HTR2B: variants seen among roughly 807,000 people sequenced by gnomAD.
HTR2B encodes the protein 5-HT 2B receptor.
HTR2B carries 31 observed loss-of-function variants against 39.8 expected under a neutral mutation model. That is an observed-to-expected ratio of 0.78 (90% CI 0.58 to 1.05). HTR2B has a LOEUF of 1.05. Ranked by LOEUF, HTR2B falls within the 50% of genes least tolerant of loss-of-function variation. The pLI is 0.00. For synonymous variants in HTR2B, 210 were observed against 207.1 expected (o/e 1.01, Z -0.12); for missense variants, 562 against 578.0 (o/e 0.97, Z 0.28).
intron 2 of HTR2B, among the ~76,000 whole-genome samples, chr2:231,116,306 G>T (rs1346160908): frequency 6.6e-6 from 1 of 152,082 alleles, no homozygotes; most frequent in African/African-American, 2.4e-5. Context: ...CTGTAAGTAG[G>T]GTGGTAGGAA....
In HTR2B at chr2:231,109,181, C is replaced by A; in HGVS notation, c.782G>T (p.Trp261Leu). Residue 261 changes from tryptophan (W) to leucine (L), a missense_variant, in exon 4 of 4, where the codon TGG becomes TTG. By Grantham distance (61) the Trp-to-Leu change is moderately conservative. Coordinates refer to ENST00000258400, the MANE Select transcript of HTR2B (RefSeq NM_000867.5). ...VKNKPPQRLT[W>L]LTVSTVFQRD... Reference sequence around the variant, plus strand: ...TTGGAAAACTGTAGACACAGTCAACCATGTTAGGCGTTGAGGTGGCTTGTT... The same window carrying A: ...TTGGAAAACTGTAGACACAGTCAACAATGTTAGGCGTTGAGGTGGCTTGTT... 1 of 1,614,160 alleles carries A rather than the reference C, an allele frequency of 6.2e-7. No homozygotes were observed. The highest frequency in any genetic ancestry group is 8.5e-7 in the Non-Finnish European group (1 of 1,180,038).
At position 231,124,108 on chromosome 2, in the gene HTR2B, A is replaced by C; in HGVS notation, c.-344T>G. On this transcript the variant is annotated 5_prime_UTR_variant, in exon 2 of 4. Coordinates refer to ENST00000258400, the MANE Select transcript of HTR2B (RefSeq NM_000867.5). The stretch of plus-strand genomic sequence containing the variant: ...GCCGTAGTTGTAGAGTCGTGTTTGA[A>C]CTTGCATGCCAGAGAGTTCCCCCTA... 3 of 262,718 alleles carry C rather than the reference A, an allele frequency of 1.1e-5. No homozygotes were observed. In the South Asian group the frequency reaches 1.4e-4, roughly 12 times the overall value. The allele number at this position is 262,718 out of a possible 1,614,324, so 16.3% of individuals were successfully genotyped here.
chr2:231,120,818 T>C (rs1198476930), intron 2 of HTR2B, among the ~76,000 whole-genome samples: 1 of 152,244 alleles, frequency 6.6e-6, no homozygotes, highest in Admixed American at 6.5e-5. Flanking sequence ...AACGCTTGTT[T>C]GTACAAACGT....
At chr2:231,118,877 C>T (rs184157188) in intron 2 of HTR2B, among the ~76,000 whole-genome samples, 22 of 152,292 alleles carry the variant, frequency 1.4e-4, no homozygotes, top group Admixed American at 3.9e-4. Flanking sequence ...GAACTTATTG[C>T]AGCAGGACAA....
At position 231,108,909 on chromosome 2, in the gene HTR2B, A is replaced by G. The variant is rs1312127034; in HGVS notation, c.1054T>C (p.Ser352Pro). ...ITNITLVLCD[S>P]CNQTTLQMLL... ...ATTTGGAGAGTAGTTTGGTTACAGGAATCACATAAAACTAAAGTTATATTT... is the reference window on the plus strand; with the variant it reads ...ATTTGGAGAGTAGTTTGGTTACAGGGATCACATAAAACTAAAGTTATATTT... Residue 352 changes from serine to proline, a missense_variant, in exon 4 of 4, where the codon TCC becomes CCC. Coordinates refer to ENST00000258400, the MANE Select transcript of HTR2B (RefSeq NM_000867.5). The G allele has an allele frequency of 6.2e-7, 1 of 1,614,046 alleles. No homozygotes were observed. Among genetic ancestry groups the G allele is most frequent in the African/African-American group, 1.3e-5 (1 of 74,930 alleles).
Position 231,109,172 on chromosome 2 carries a change from A to G in HTR2B, c.791T>C (p.Val264Ala). The G allele has an allele frequency of 6.2e-7, 1 of 1,614,202 alleles. No individual in the cohort carries two copies. The highest frequency in any genetic ancestry group is 8.5e-7 in the Non-Finnish European group (1 of 1,180,032). The part of the protein sequence containing the change: ...KPPQRLTWLT[V>A]STVFQRDETP... ...TTCATCCCTTTGGAAAACTGTAGACACAGTCAACCATGTTAGGCGTTGAGG... is the reference window on the plus strand; with the variant it reads ...TTCATCCCTTTGGAAAACTGTAGACGCAGTCAACCATGTTAGGCGTTGAGG... The change falls in exon 4 of 4, where the codon GTG becomes GCG. Residue 264 changes from valine to alanine, a missense_variant. Val to Ala is a moderately conservative substitution (Grantham distance 64). Coordinates refer to ENST00000258400, the MANE Select transcript of HTR2B (RefSeq NM_000867.5).
intron 2 of HTR2B, among the ~76,000 whole-genome samples, chr2:231,117,246 T>C (rs1559237678): frequency 1.3e-5 from 2 of 152,106 alleles, no homozygotes; most frequent in Non-Finnish European, 2.9e-5. Context: ...AATTTCTAAT[T>C]ACATTATTTG....
chr2:231,123,557 C>A lies in HTR2B; in HGVS notation c.208G>T (p.Gly70Cys), dbSNP rs1420667300. The A allele has an allele frequency of 1.2e-6, 2 of 1,614,012 alleles. No homozygotes were observed. Among genetic ancestry groups the A allele is most frequent in the Non-Finnish European group, 8.5e-7 (1 of 1,179,878 alleles). The change falls in exon 2 of 4, where the codon GGT becomes TGT. Residue 70 changes from glycine to cysteine, a missense_variant. Transcript: ENST00000258400. ...GCCAGAATAACAAGGGTATTTCCAC[C>A]AATTGTGGGTATTATCACCATGAGT... is the stretch of plus-strand genomic sequence containing the variant. ...LILMVIIPTI[G>C]GNTLVILAVS...
intron 2 of HTR2B, among the ~76,000 whole-genome samples, chr2:231,119,743 C>T (rs1386515824): frequency 4.6e-5 from 7 of 151,416 alleles, no homozygotes; most frequent in African/African-American, 1.5e-4. Context: ...TGGTGGCCTG[C>T]GCCTGTAGTC....
chr2:231,113,708 A>T (rs1437464275), intron 3 of HTR2B, 21 bp downstream of exon 3: 1 of 1,603,024 alleles, frequency 6.2e-7, no homozygotes, highest in Non-Finnish European at 8.5e-7. Flanking sequence ...TACCACCCAC[A>T]CTCTGGCATT....
At chr2:231,111,652 T>C (rs1015575978) in intron 3 of HTR2B, among the ~76,000 whole-genome samples, 1 of 152,238 alleles carries the variant, frequency 6.6e-6, no homozygotes, top group Non-Finnish European at 1.5e-5. Flanking sequence ...AAGTTATTAA[T>C]TTGTGATCGG....
At chr2:231,119,448 A>G (rs1485312622) in intron 2 of HTR2B, among the ~76,000 whole-genome samples, 1 of 152,220 alleles carries the variant, frequency 6.6e-6, no homozygotes, top group Admixed American at 6.5e-5. Flanking sequence ...GCCTGATCCA[A>G]CACGGGAGAA....
At chr2:231,117,301 A>G (rs988982478) in intron 2 of HTR2B, among the ~76,000 whole-genome samples, 1 of 152,108 alleles carries the variant, frequency 6.6e-6, no homozygotes. Context: ...GACTTAAGAC[A>G]TTGAAAATTT....
intron 2 of HTR2B, among the ~76,000 whole-genome samples, chr2:231,118,322 GT>G (rs939482441): frequency 2.0e-5 from 3 of 152,240 alleles, no homozygotes; most frequent in African/African-American, 7.2e-5. Flanking sequence ...CAAATCATCA[GT>G]ATGAAATAAG....
At position 231,108,494 on chromosome 2, in the gene HTR2B, T is replaced by C. The variant is rs752384160; in HGVS notation, c.*23A>G. The C allele has an allele frequency of 6.3e-7, 1 of 1,578,344 alleles. No individual in the cohort carries two copies. Among genetic ancestry groups the C allele is most frequent in the South Asian group, 1.1e-5 (1 of 90,222 alleles). ...ATTCATCATCTTACTCATCATTATG[T>C]TTGATGACAACTGCCAGTTCTGCTA... On this transcript the variant is annotated 3_prime_UTR_variant, in exon 4 of 4. Coordinates refer to ENST00000258400, the MANE Select transcript of HTR2B (RefSeq NM_000867.5).
chr2:231,123,553 C>T lies in HTR2B; in HGVS notation c.212G>A (p.Gly71Glu), dbSNP rs1335189486. 1 of 1,613,970 alleles carries T rather than the reference C, an allele frequency of 6.2e-7. No homozygotes were observed. Among genetic ancestry groups the T allele is most frequent in the Non-Finnish European group, 8.5e-7 (1 of 1,179,938 alleles). Reference sequence around the variant, plus strand: ...AACAGCCAGAATAACAAGGGTATTTCCACCAATTGTGGGTATTATCACCAT... The same window carrying T: ...AACAGCCAGAATAACAAGGGTATTTTCACCAATTGTGGGTATTATCACCAT... Reference protein sequence around the residue: ...ILMVIIPTIGGNTLVILAVSL... With the variant: ...ILMVIIPTIGENTLVILAVSL... The change falls in exon 2 of 4, where the codon GGA (glycine) becomes GAA (glutamate). Residue 71 changes from glycine (G) to glutamate (E), a missense_variant. Coordinates refer to ENST00000258400, the MANE Select transcript of HTR2B (RefSeq NM_000867.5).
rs2125203493 is a variant in HTR2B, at chr2:231,108,808, C to T, written c.1155G>A (p.Lys385=). Residue 385 remains lysine (K), a synonymous_variant, in exon 4 of 4, where the codon AAG becomes AAA. Coordinates refer to ENST00000258400, the MANE Select transcript of HTR2B (RefSeq NM_000867.5). ...ATCGGCCAAATGCATCCCGAAATGT[C>T]TTATTGAAGAGGGTGTAGACCAAAG... The part of the protein sequence containing the change: ...VNPLVYTLFN[K]TFRDAFGRYI... The T allele has an allele frequency of 1.2e-6, 2 of 1,614,072 alleles. No homozygotes were observed. The highest frequency in any genetic ancestry group is 1.7e-6 in the Non-Finnish European group (2 of 1,180,010).
At chr2:231,122,256 A>G (rs1695570926) in intron 2 of HTR2B, among the ~76,000 whole-genome samples, 2 of 152,112 alleles carry the variant, frequency 1.3e-5, no homozygotes, top group Admixed American at 1.3e-4. Context: ...GTTGATTTAA[A>G]ATGGAAGGTG....
intron 2 of HTR2B, among the ~76,000 whole-genome samples, chr2:231,119,287 G>A (rs957935555): frequency 3.9e-5 from 6 of 152,040 alleles, no homozygotes; most frequent in East Asian, 1.9e-4. Context: ...TTTCATCTCT[G>A]ATTAGACTTG....
Sources: allele counts gnomAD v4.1 joint callset (sites outside exome capture counted in the v4.1 genomes callset), GRCh38; gene constraint gnomAD v4.1.1; transcripts MANE v1.5; gene names NCBI Gene and HGNC (gene_info 2026-07-23, HGNC 2026-07-21).